The following SLC4A10 variants were observed in gnomAD, a reference collection of about 807,000 sequenced individuals.
SLC4A10 encodes sodium-driven chloride bicarbonate exchanger.
In SLC4A10, 42 loss-of-function variants were observed where a neutral mutation model predicts 137.7. The ratio of observed to expected loss-of-function variants is 0.30; its 90% CI spans 0.24 to 0.39. The LOEUF (loss-of-function observed/expected upper bound fraction) is 0.39. Ranked by LOEUF, SLC4A10 falls within the 10% of genes least tolerant of loss-of-function variation. SLC4A10 has a pLI of 1.00. For missense variants in SLC4A10, 925 were observed against 1,355.0 expected (o/e 0.68, Z 4.98); for synonymous variants, 474 against 464.1 (o/e 1.02, Z -0.27).
At chr2:161,657,424 G>C (rs551203918) in intron 1 of SLC4A10, among the ~76,000 whole-genome samples, 43 of 151,958 alleles carry the variant, frequency 2.8e-4, no homozygotes, top group African/African-American at 9.4e-4. Flanking sequence ...TATTGTTCTA[G>C]ATTATTTCTA....
At chr2:161,630,932 CTAAT>C (rs1244551910) in intron 1 of SLC4A10, among the ~76,000 whole-genome samples, 1 of 151,644 alleles carries the variant, frequency 6.6e-6, no homozygotes, top group Non-Finnish European at 1.5e-5. Context: ...TCCCTTAACG[CTAAT>C]TAAACAATAA....
At chr2:161,668,083 A>C (rs914503051) in intron 1 of SLC4A10, among the ~76,000 whole-genome samples, 1 of 151,824 alleles carries the variant, frequency 6.6e-6, no homozygotes, top group Non-Finnish European at 1.5e-5. Flanking sequence ...TTGTAGTTGC[A>C]GTACTTATAT....
chr2:161,906,177 C>T (rs1271474499), intron 15 of SLC4A10, among the ~76,000 whole-genome samples: 1 of 152,130 alleles, frequency 6.6e-6, no homozygotes, highest in Non-Finnish European at 1.5e-5. Context: ...TTAATATACA[C>T]GAATTTTACC....
intron 1 of SLC4A10, among the ~76,000 whole-genome samples, chr2:161,670,016 C>T (rs1329900926): frequency 6.6e-6 from 1 of 152,134 alleles, no homozygotes; most frequent in African/African-American, 2.4e-5. Flanking sequence ...CTTGCTGTTT[C>T]TCTGATCCTC....
chr2:161,624,731 A>C (rs2031915657), intron 1 of SLC4A10, among the ~76,000 whole-genome samples, 165 bp downstream of exon 1: 1 of 151,922 alleles, frequency 6.6e-6, no homozygotes, highest in Admixed American at 6.6e-5. Flanking sequence ...GAAATGCATA[A>C]AGCAAAGCAC....
At chr2:161,648,365 G>A (rs2036345473) in intron 1 of SLC4A10, among the ~76,000 whole-genome samples, 1 of 152,282 alleles carries the variant, frequency 6.6e-6, no homozygotes, top group South Asian at 2.1e-4. Context: ...ATATGCTATT[G>A]AGTGTTAAGG....
At chr2:161,850,922 A>G (rs1415657468) in intron 4 of SLC4A10, among the ~76,000 whole-genome samples, 1 of 152,008 alleles carries the variant, frequency 6.6e-6, no homozygotes. Flanking sequence ...CTTTGTTTTC[A>G]TTAGTTTCAA....
At chr2:161,726,774 T>C (rs2046271967) in intron 1 of SLC4A10, among the ~76,000 whole-genome samples, 1 of 152,182 alleles carries the variant, frequency 6.6e-6, no homozygotes, top group Non-Finnish European at 1.5e-5. Context: ...CTAGGTGTGG[T>C]GGCACATGCC....
At chr2:161,926,386 GTT>G (rs1174458600) in intron 15 of SLC4A10, among the ~76,000 whole-genome samples, 659 of 22,952 alleles carry the variant, frequency 0.029, 9 homozygotes, top group African/African-American at 0.04. Context: ...CCTTTTTTTG[GTT>G]TTTTTTTTTT....
At chr2:161,918,711 G>T (rs1025007499) in intron 15 of SLC4A10, among the ~76,000 whole-genome samples, 5 of 152,146 alleles carry the variant, frequency 3.3e-5, no homozygotes, top group Non-Finnish European at 2.9e-5. Flanking sequence ...AAGAAACTTG[G>T]TAATGATGGC....
chr2:161,844,048 A>C (rs1437572395), intron 4 of SLC4A10, among the ~76,000 whole-genome samples: 1 of 152,182 alleles, frequency 6.6e-6, no homozygotes, highest in Non-Finnish European at 1.5e-5. Flanking sequence ...CTTATAAATA[A>C]CATGTAATGT....
rs191954699 is a variant in SLC4A10 at position 161,705,188 on chromosome 2, G to A, written c.49-65785G>A. ...ATGCTATTTGAATTACTAAGATATG[G>A]TATATTTATACAAAAATATAATTTC... On this transcript the variant is annotated intron_variant, in intron 1 of 26. Transcript: ENST00000446997. Among the ~76,000 whole-genome samples, 299 of 151,480 alleles carry A rather than the reference G, an allele frequency of 2.0e-3. 2 individuals carry two copies. The highest frequency in any genetic ancestry group is 6.9e-3 in the African/African-American group (284 of 41,436).
intron 6 of SLC4A10, among the ~76,000 whole-genome samples, chr2:161,864,175 C>T (rs767204732): frequency 4.0e-5 from 6 of 151,848 alleles, no homozygotes; most frequent in Non-Finnish European, 7.4e-5. Context: ...GCACTCCAGC[C>T]TGGGCTACAC....
chr2:161,937,069 T>C (rs1410019423), intron 15 of SLC4A10, among the ~76,000 whole-genome samples: 3 of 152,200 alleles, frequency 2.0e-5, no homozygotes, highest in Non-Finnish European at 4.4e-5. Context: ...CATTGTTAAA[T>C]TTATCTTTTA....
intron 15 of SLC4A10, among the ~76,000 whole-genome samples, chr2:161,917,295 C>A (rs905339629): frequency 1.3e-5 from 2 of 152,052 alleles, no homozygotes; most frequent in African/African-American, 2.4e-5. Context: ...TTACTTCTGG[C>A]TTGGGGCTAT....
At chr2:161,911,629 G>A (rs2105407770) in intron 15 of SLC4A10, among the ~76,000 whole-genome samples, 1 of 152,048 alleles carries the variant, frequency 6.6e-6, no homozygotes, top group South Asian at 2.1e-4. Context: ...TATATTTTTA[G>A]GTGTTTACTT....
intron 18 of SLC4A10, among the ~76,000 whole-genome samples, chr2:161,949,864 T>C (rs1694485123): frequency 6.6e-6 from 1 of 152,030 alleles, no homozygotes; most frequent in African/African-American, 2.4e-5. Flanking sequence ...ATAATATATG[T>C]GACCTATCAC....
chr2:161,834,814 A>G (rs146870747), intron 3 of SLC4A10, among the ~76,000 whole-genome samples: 463 of 152,232 alleles, frequency 3.0e-3, no homozygotes, highest in African/African-American at 0.011. Context: ...TAAATAGATC[A>G]GATTGGACTG....
intron 15 of SLC4A10, among the ~76,000 whole-genome samples, chr2:161,906,726 ATC>A (rs1684462289): frequency 6.6e-6 from 1 of 152,146 alleles, no homozygotes; most frequent in African/African-American, 2.4e-5. Flanking sequence ...ATATTTTTTA[ATC>A]TTTATTTACT....
Sources: allele counts gnomAD v4.1 joint callset (sites outside exome capture counted in the v4.1 genomes callset), GRCh38; gene constraint gnomAD v4.1.1; transcripts MANE v1.5; gene names NCBI Gene and HGNC (gene_info 2026-07-23, HGNC 2026-07-21).